SNAP91: variants seen among roughly 807,000 people sequenced by gnomAD.
SNAP91 encodes the protein synaptosome associated protein 91.
In SNAP91, 27 loss-of-function variants were observed where a neutral mutation model predicts 100.3. That is an observed-to-expected ratio of 0.27 (90% CI 0.20 to 0.37). The LOEUF (loss-of-function observed/expected upper bound fraction) is 0.37. Among genes scored for constraint, SNAP91 ranks in the 10% least tolerant of loss-of-function variants. SNAP91 has a pLI of 1.00. For missense variants in SNAP91, 986 were observed against 1,123.7 expected, an observed-to-expected ratio of 0.88 and a Z score of 1.75; for synonymous variants, 404 against 398.6, an observed-to-expected ratio of 1.01 and a Z score of -0.16.
intron 2 of SNAP91, among the ~76,000 whole-genome samples, chr6:83,697,666 G>T (rs1299189141): frequency 7.2e-5 from 11 of 152,024 alleles, no homozygotes; most frequent in Non-Finnish European, 5.9e-5. Flanking sequence ...ATGTTTATTT[G>T]TTTGTATTCC....
At chr6:83,638,975 A>G (rs1260213876) in intron 8 of SNAP91, among the ~76,000 whole-genome samples, 1 of 152,232 alleles carries the variant, frequency 6.6e-6, no homozygotes, top group Non-Finnish European at 1.5e-5. Context: ...CTTGTCTGCC[A>G]TAGGAGACTT....
At chr6:83,681,363 C>G (rs2098987153) in intron 2 of SNAP91, among the ~76,000 whole-genome samples, 2 of 152,136 alleles carry the variant, frequency 1.3e-5, no homozygotes, top group African/African-American at 4.8e-5. Flanking sequence ...TTCTATCTCT[C>G]TAGGCCCTGT....
chr6:83,576,936 G>C (rs1014788007), intron 24 of SNAP91, among the ~76,000 whole-genome samples: 2 of 152,200 alleles, frequency 1.3e-5, no homozygotes, highest in Non-Finnish European at 2.9e-5. Context: ...AACAGTCAGA[G>C]AGTCCTATCC....
intron 29 of SNAP91, 94 bp downstream of exon 29, chr6:83,556,049 A>T (rs1777376236): frequency 1.6e-6 from 1 of 633,656 alleles, no homozygotes; most frequent in Non-Finnish European, 2.8e-6. Context: ...ATACACAGCT[A>T]TTCAAAACGC....
At chr6:83,576,408 A>C (rs974072752) in intron 24 of SNAP91, among the ~76,000 whole-genome samples, 1 of 152,194 alleles carries the variant, frequency 6.6e-6, no homozygotes, top group Non-Finnish European at 1.5e-5. Context: ...AAAGTGGATC[A>C]CTGTGCCTAC....
At chr6:83,662,089 A>G (rs531260730) in intron 4 of SNAP91, among the ~76,000 whole-genome samples, 119 of 152,250 alleles carry the variant, frequency 7.8e-4, no homozygotes, top group African/African-American at 2.8e-3. Flanking sequence ...CTGTACCTTC[A>G]TAAAAAACAA....
At chr6:83,645,026 C>A (rs1327724637) in intron 7 of SNAP91, among the ~76,000 whole-genome samples, 1 of 152,136 alleles carries the variant, frequency 6.6e-6, no homozygotes, top group Non-Finnish European at 1.5e-5. Flanking sequence ...CCAGGAACAG[C>A]ATGACTTTGG....
intron 11 of SNAP91, chr6:83,611,482 T>C (rs957078900): frequency 6.6e-6 from 3 of 455,606 alleles, no homozygotes; most frequent in Non-Finnish European, 1.3e-5. Flanking sequence ...CAAAACAAGA[T>C]GAAGACTAAA....
chr6:83,555,234 C>T (rs1043338422), intron 29 of SNAP91, among the ~76,000 whole-genome samples: 6 of 144,726 alleles, frequency 4.1e-5, no homozygotes, highest in African/African-American at 5.0e-5. Flanking sequence ...AAAAAAAAAA[C>T]AAATCAAGAA....
rs1203546908 is a variant in SNAP91 at position 83,552,906 on chromosome 6, T to C, written c.*1390A>G. The C allele has an allele frequency of 6.6e-6, 1 of 152,618 alleles. No individual in the cohort carries two copies. Among genetic ancestry groups the C allele is most frequent in the African/African-American group, 2.4e-5 (1 of 41,464 alleles). 9.5% of individuals were successfully genotyped at this position (152,618 alleles called of 1,614,324 possible). A position where few individuals can be genotyped will look rare whatever the true frequency, so the allele number is the denominator to read the frequency against. Reference sequence around the variant, plus strand: ...TATGTTTGCATTTCTTTGTTCAAGGTGTTTATTGCATCTCAGAGGGCGTAC... The same window carrying C: ...TATGTTTGCATTTCTTTGTTCAAGGCGTTTATTGCATCTCAGAGGGCGTAC... On this transcript the variant is annotated 3_prime_UTR_variant, in exon 30 of 30. Coordinates refer to ENST00000369694, the MANE Select transcript of SNAP91 (RefSeq NM_001242792.2).
At chr6:83,620,281 T>C (rs1323888590) in intron 9 of SNAP91, among the ~76,000 whole-genome samples, 1 of 152,222 alleles carries the variant, frequency 6.6e-6, no homozygotes, top group Non-Finnish European at 1.5e-5. Context: ...CCATCTCTTC[T>C]TTAACACTCT....
chr6:83,631,600 T>G (rs1400747339), intron 8 of SNAP91, among the ~76,000 whole-genome samples: 1 of 152,190 alleles, frequency 6.6e-6, no homozygotes, highest in Non-Finnish European at 1.5e-5. Context: ...TGTCCTTTTT[T>G]TGTCTTTTTT....
At chr6:83,648,144 C>A (rs996276714) in intron 7 of SNAP91, among the ~76,000 whole-genome samples, 7 of 152,148 alleles carry the variant, frequency 4.6e-5, no homozygotes, top group Admixed American at 1.3e-4. Flanking sequence ...TGGGTAACCA[C>A]TAGTCTCTTT....
At chr6:83,637,922 C>T (rs1021269572) in intron 8 of SNAP91, among the ~76,000 whole-genome samples, 3 of 152,180 alleles carry the variant, frequency 2.0e-5, no homozygotes, top group Admixed American at 1.3e-4. Context: ...TAAGCACTGG[C>T]TGTGCTGGGG....
chr6:83,693,466 A>G (rs2099157508), intron 2 of SNAP91, among the ~76,000 whole-genome samples: 1 of 152,228 alleles, frequency 6.6e-6, no homozygotes, highest in Admixed American at 6.5e-5. Context: ...ATTATTTTAA[A>G]TTGAAAAAGA....
At chr6:83,664,837 GGAAGAGTCAAT>G in intron 3 of SNAP91, among the ~76,000 whole-genome samples, 1 of 152,060 alleles carries the variant, frequency 6.6e-6, no homozygotes, top group Admixed American at 6.6e-5. Flanking sequence ...TTTTGTAAAA[GGAAGAGTCAAT>G]TGATGTGGCA....
At chr6:83,571,761 T>C (rs955332527) in intron 26 of SNAP91, among the ~76,000 whole-genome samples, 2 of 152,158 alleles carry the variant, frequency 1.3e-5, no homozygotes, top group Admixed American at 6.5e-5. Flanking sequence ...TGTGAAGATA[T>C]GAGATTTGGG....
At position 83,591,255 on chromosome 6, in the gene SNAP91, G is replaced by A. The variant is rs556501720; in HGVS notation, c.1970C>T (p.Ser657Phe). ...TGCTGATGAACTAGAAGCAGCCTGAGATGCAGGTTGGGGTTCAGAAGCACT... is the reference window on the plus strand; with the variant it reads ...TGCTGATGAACTAGAAGCAGCCTGAAATGCAGGTTGGGGTTCAGAAGCACT... The part of the protein sequence containing the change: ...GSSASEPQPA[S>F]QAASSSSASA... Residue 657 changes from serine to phenylalanine, a missense_variant, in exon 22 of 30, where the codon TCT (serine) becomes TTT (phenylalanine). Coordinates refer to ENST00000369694, the MANE Select transcript of SNAP91 (RefSeq NM_001242792.2). 1.9e-6 allele frequency: 3 copies of A among 1,613,076 alleles called. No individual in the cohort carries two copies. In the African/African-American group the frequency reaches 4.0e-5, roughly 21 times the overall value.
At chr6:83,580,698 G>T in intron 23 of SNAP91, 99 bp from the exon 24 acceptor site, 1 of 1,142,148 alleles carries the variant, frequency 8.8e-7, no homozygotes, top group Non-Finnish European at 1.2e-6. Flanking sequence ...GGAAACAAGT[G>T]AATATAAAAT....
Sources: gnomAD v4.1 joint callset for allele counts (sites outside exome capture counted in the v4.1 genomes callset) on GRCh38, gnomAD v4.1.1 for gene constraint, MANE v1.5 for transcripts, NCBI Gene and HGNC (gene_info 2026-07-23, HGNC 2026-07-21) for gene names.